WDR27: variants seen among roughly 807,000 people sequenced by gnomAD.
WDR27 encodes WD repeat domain 27, also known as WD repeat-containing protein 27.
A neutral mutation model predicts 114.4 loss-of-function variants in WDR27; 100 were observed. That is an observed-to-expected ratio of 0.87 (90% CI 0.74 to 1.03). The LOEUF (loss-of-function observed/expected upper bound fraction) is 1.03, where lower values mean the gene tolerates loss of function less well. Ranked by LOEUF, WDR27 falls within the 50% of genes least tolerant of loss-of-function variation. The pLI is 0.00. For synonymous variants in WDR27, 449 were observed against 423.1 expected (o/e 1.06, Z -0.75); for missense variants, 1,129 against 1,092.9 (o/e 1.03, Z -0.47).
At chr6:169,625,230 T>C (rs747685120) in intron 21 of WDR27, among the ~76,000 whole-genome samples, 4 of 152,234 alleles carry the variant, frequency 2.6e-5, no homozygotes, top group Admixed American at 6.5e-5. Context: ...AGGACTGGGC[T>C]TGGACTAAGC....
intron 22 of WDR27, among the ~76,000 whole-genome samples, chr6:169,604,849 T>C (rs1039046195): frequency 6.6e-6 from 1 of 151,784 alleles, no homozygotes; most frequent in Non-Finnish European, 1.5e-5. Flanking sequence ...CAAAAAAATA[T>C]ATGATCATCT....
At chr6:169,670,860 A>G in intron 3 of WDR27, 167 bp from the exon 4 acceptor site, 1 of 947,922 alleles carries the variant, frequency 1.1e-6, no homozygotes, top group South Asian at 2.0e-5. Context: ...TACTGGATAT[A>G]CAGAAGTCTT....
At chr6:169,672,990 G>C (rs57797490) in intron 2 of WDR27, among the ~76,000 whole-genome samples, 10,061 of 152,190 alleles carry the variant, frequency 0.066, 677 homozygotes, top group East Asian at 0.2. Context: ...ACGAGTGTTG[G>C]GGGTATACTG....
chr6:169,693,881 C>T (rs1785135020), intron 1 of WDR27, among the ~76,000 whole-genome samples: 1 of 152,118 alleles, frequency 6.6e-6, no homozygotes, highest in African/African-American at 2.4e-5. Context: ...CATAGCAACA[C>T]AATAATACTG....
Position 169,638,558 on chromosome 6 carries a change from G to GC in WDR27, c.1849dup (p.Ala617GlyfsTer14), listed in dbSNP as rs768578801. ...CATTACCAGAAGCAGTGCGAGCTCT[G>GC]CCCCACGAGCCGACCACATTCGCAG... On this transcript the variant is annotated frameshift_variant, in exon 18 of 26. Transcript: ENST00000448612. LOFTEE classifies it high-confidence loss of function. 4 of 1,610,668 alleles carry GC rather than the reference G, an allele frequency of 2.5e-6. No individual in the cohort carries two copies. The highest frequency in any genetic ancestry group is 3.4e-6 in the Non-Finnish European group (4 of 1,178,920).
chr6:169,478,690 TCAA>T (rs1312326274), intron 25 of WDR27, among the ~76,000 whole-genome samples: 1 of 151,646 alleles, frequency 6.6e-6, no homozygotes, highest in Non-Finnish European at 1.5e-5. Flanking sequence ...ACTGGTAAAA[TCAA>T]CAACAACAAC....
rs139510693 is a variant in WDR27 at position 169,626,895 on chromosome 6, C to A, written c.2223+6052G>T. ...TGCCCCGCTGTGGACGCCAACAGCA[C>A]CACTGGGCAGTGCCTGTGTCTCCGA... On this transcript the variant is annotated intron_variant, in intron 21 of 25. Transcript: ENST00000448612. 3.4e-4 allele frequency among the ~76,000 whole-genome samples: 52 copies of A among 152,344 alleles called. No homozygotes were observed. The East Asian group carries it at 8.7e-3, about 25-fold the overall frequency.
chr6:169,625,576 C>T (rs188794807), intron 21 of WDR27, among the ~76,000 whole-genome samples: 3 of 152,250 alleles, frequency 2.0e-5, no homozygotes, highest in East Asian at 1.9e-4. Context: ...CCAGGCCCGA[C>T]GGGGTCAGTC....
At chr6:169,578,135 TGGGGAAACGCA>T (rs1802751546) in intron 24 of WDR27, among the ~76,000 whole-genome samples, 1 of 152,304 alleles carries the variant, frequency 6.6e-6, no homozygotes, top group South Asian at 2.1e-4. Flanking sequence ...GCATGCTTAG[TGGGGAAACGCA>T]GGTCCTTCTG....
At chr6:169,473,484 C>T (rs1032157852) in intron 25 of WDR27, among the ~76,000 whole-genome samples, 5 of 152,062 alleles carry the variant, frequency 3.3e-5, no homozygotes, top group African/African-American at 1.2e-4. Flanking sequence ...TGACAAAGTA[C>T]AACCTAGAAT....
chr6:169,564,377 T>C (rs535672356), intron 25 of WDR27, among the ~76,000 whole-genome samples: 2 of 152,240 alleles, frequency 1.3e-5, no homozygotes, highest in South Asian at 4.1e-4. Context: ...AATGGTAATC[T>C]CCTCTGGCAA....
Position 169,684,181 on chromosome 6 carries a change from C to G in WDR27, c.189+4636G>C, listed in dbSNP as rs368497715. Among the ~76,000 whole-genome samples, 8 of 152,230 alleles carry G rather than the reference C, an allele frequency of 5.3e-5. No individual in the cohort carries two copies. In the East Asian group the frequency reaches 7.7e-4, roughly 15 times the overall value. On this transcript the variant is annotated intron_variant, in intron 2 of 25. Transcript: ENST00000448612. The surrounding 1 kb of genome is among the most constrained non-coding windows in gnomAD (Gnocchi z 4.3). ...TGCACTTCCAGCCAGAGAAACAACC[C>G]AGCACTCCTGCCAAGGACAAACCTG...
chr6:169,645,630 C>T (rs1820503054), intron 16 of WDR27, among the ~76,000 whole-genome samples: 1 of 150,490 alleles, frequency 6.6e-6, no homozygotes, highest in South Asian at 2.1e-4. Context: ...GCCTAGTTCA[C>T]AGGGTCACAC....
Position 169,457,434 on chromosome 6 carries a change from G to A in WDR27, c.*158C>T. 1.7e-6 allele frequency: 1 copy of A among 579,972 alleles called. No homozygotes were observed. 35.9% of individuals were successfully genotyped at this position (579,972 alleles called of 1,614,324 possible). On this transcript the variant is annotated 3_prime_UTR_variant, in exon 26 of 26. Coordinates refer to ENST00000448612, the MANE Select transcript of WDR27 (RefSeq NM_182552.5). The stretch of plus-strand genomic sequence containing the variant: ...AAAACTCTGACATGGCACACACAGA[G>A]GGGAGGAGCTTGCAAACGGGGGAAA...
chr6:169,675,025 C>A (rs1417479008), intron 2 of WDR27, among the ~76,000 whole-genome samples: 2 of 152,168 alleles, frequency 1.3e-5, no homozygotes, highest in African/African-American at 4.8e-5. Flanking sequence ...AGGCCATTTT[C>A]ACTTCTTTTG....
At chr6:169,514,757 A>AAT (rs112203960) in intron 25 of WDR27, among the ~76,000 whole-genome samples, 34,003 of 143,342 alleles carry the variant, frequency 0.24, 4,475 homozygotes, top group African/African-American at 0.36. Flanking sequence ...AAAAAAAGAG[A>AAT]ATATATATAT....
chr6:169,502,225 C>T (rs530238043), intron 25 of WDR27, among the ~76,000 whole-genome samples: 1 of 152,300 alleles, frequency 6.6e-6, no homozygotes, highest in East Asian at 1.9e-4. Flanking sequence ...GGGACGACCG[C>T]GGCCTCTGAA....
At chr6:169,657,635 G>A (rs1824605373) in intron 13 of WDR27, 1 of 152,482 alleles carries the variant, frequency 6.6e-6, no homozygotes, top group African/African-American at 2.4e-5. Context: ...TTATCAGTGA[G>A]CCTTGAAAGA....
intron 25 of WDR27, among the ~76,000 whole-genome samples, chr6:169,480,638 CT>C (rs1240387130): frequency 1.3e-5 from 2 of 151,484 alleles, no homozygotes; most frequent in Non-Finnish European, 2.9e-5. Flanking sequence ...CTGGTGGGGA[CT>C]TGGAGAACTT....
Sources: gnomAD v4.1 joint callset for allele counts (sites outside exome capture counted in the v4.1 genomes callset) on GRCh38, gnomAD v4.1.1 for gene constraint, Gnocchi (gnomAD v3.1) non-coding constraint, MANE v1.5 for transcripts, NCBI Gene and HGNC (gene_info 2026-07-23, HGNC 2026-07-21) for gene names.